The following SFI1 variants were observed in gnomAD, a reference collection of about 807,000 sequenced individuals.
The protein encoded by SFI1 is protein SFI1 homolog.
A neutral mutation model predicts 207.5 loss-of-function variants in SFI1; 195 were observed. That is an observed-to-expected ratio of 0.94 (90% CI 0.84 to 1.06). SFI1 has a LOEUF of 1.06. SFI1 is among the 50% of genes least tolerant of loss of function. The probability of loss-of-function intolerance (pLI) is 0.00; values close to 1 mark genes in which losing one functional copy is unlikely to be tolerated. For synonymous variants in SFI1, 630 were observed against 598.9 expected (o/e 1.05, Z -0.76); for missense variants, 1,634 against 1,588.0 (o/e 1.03, Z -0.49).
chr22:31,611,975 C>T, intron 24 of SFI1, 135 bp downstream of exon 24: 1 of 1,444,796 alleles, frequency 6.9e-7, no homozygotes, highest in Non-Finnish European at 9.1e-7. Context: ...GCCACCTCCT[C>T]TACCACCTTC....
chr22:31,535,262 T>C (rs2058879645), intron 4 of SFI1, among the ~76,000 whole-genome samples: 1 of 149,314 alleles, frequency 6.7e-6, no homozygotes. Flanking sequence ...CGATCTCGGC[T>C]CACTGTAACC....
chr22:31,546,418 C>T (rs998762670), intron 4 of SFI1, among the ~76,000 whole-genome samples: 2 of 152,004 alleles, frequency 1.3e-5, no homozygotes, highest in African/African-American at 4.8e-5. Context: ...GCAACCTCTG[C>T]CTCCCGGGTT....
intron 4 of SFI1, among the ~76,000 whole-genome samples, chr22:31,544,567 A>G (rs2059899675): frequency 6.6e-6 from 1 of 152,114 alleles, no homozygotes; most frequent in Non-Finnish European, 1.5e-5. Flanking sequence ...AGCTAGGGTA[A>G]CATAGTGAAA....
At chr22:31,538,915 T>C (rs1306777636) in intron 4 of SFI1, among the ~76,000 whole-genome samples, 1 of 152,142 alleles carries the variant, frequency 6.6e-6, no homozygotes, top group African/African-American at 2.4e-5. Context: ...GACCTCTGCC[T>C]TGAAACTCTG....
chr22:31,571,479 AT>A (rs976100643), intron 8 of SFI1, among the ~76,000 whole-genome samples: 618 of 142,014 alleles, frequency 4.4e-3, no homozygotes, highest in African/African-American at 4.1e-3. Context: ...TGCCTGGCTA[AT>A]TTTTTTTTTT....
chr22:31,593,126 G>A (rs1461768644), intron 15 of SFI1, among the ~76,000 whole-genome samples: 2 of 140,800 alleles, frequency 1.4e-5, no homozygotes, highest in Admixed American at 6.9e-5. Flanking sequence ...CTGGCCGGGC[G>A]GGGGGCTGAC....
intron 16 of SFI1, 101 bp from the exon 17 acceptor site, chr22:31,602,506 T>G (rs2068282195): frequency 1.4e-6 from 2 of 1,406,344 alleles, no homozygotes; most frequent in Admixed American, 3.6e-5. Flanking sequence ...CATCCATTCC[T>G]TTTGCCTTAG....
At chr22:31,582,480 G>A (rs911878289) in intron 12 of SFI1, among the ~76,000 whole-genome samples, 4 of 151,094 alleles carry the variant, frequency 2.6e-5, no homozygotes, top group Non-Finnish European at 4.4e-5. Flanking sequence ...TCAAACTCCT[G>A]ACCTTTGGTG....
rs1422494335 is a variant in SFI1, at chr22:31,618,148, G to A, written c.3546G>A (p.Arg1182=). The change falls in exon 32 of 33, where the codon AGG becomes AGA. Residue 1182 remains arginine (R), a synonymous_variant. Transcript: ENST00000400288. ...GGCGGCAAGCGAGCAGCCTGCGCAG[G>A]TGGCTGGAGCTGAACAGAGAGGAGC... ...SCRRQASSLR[R]WLELNREEPG... 4.4e-6 allele frequency: 7 copies of A among 1,587,760 alleles called. No homozygotes were observed. The highest frequency in any genetic ancestry group is 5.1e-6 in the Non-Finnish European group (6 of 1,169,316).
intron 27 of SFI1, chr22:31,614,095 T>C (rs2070905826): frequency 3.8e-6 from 2 of 530,236 alleles, no homozygotes; most frequent in Non-Finnish European, 6.6e-6. Flanking sequence ...AGGAAATAGG[T>C]GTCCCCTCCT....
At chr22:31,566,477 C>T (rs2062323166) in intron 8 of SFI1, among the ~76,000 whole-genome samples, 1 of 152,230 alleles carries the variant, frequency 6.6e-6, no homozygotes, top group African/African-American at 2.4e-5. Flanking sequence ...ATACCAATGC[C>T]ATACTGGTTT....
chr22:31,605,849 C>A (rs761747), intron 20 of SFI1: 53,875 of 154,462 alleles, frequency 0.35, 10,400 homozygotes, highest in African/African-American at 0.52. Context: ...CCCTGTCTCT[C>A]AAAAGTAAAT....
intron 8 of SFI1, among the ~76,000 whole-genome samples, chr22:31,571,603 C>G (rs1023642910): frequency 6.6e-6 from 1 of 152,026 alleles, no homozygotes; most frequent in Non-Finnish European, 1.5e-5. Flanking sequence ...GTGTGAGCCA[C>G]CCCGCCCCAC....
At chr22:31,610,105 A>G (rs1264392239) in intron 22 of SFI1, among the ~76,000 whole-genome samples, 1 of 152,192 alleles carries the variant, frequency 6.6e-6, no homozygotes, top group Non-Finnish European at 1.5e-5. Context: ...ATACCTGGGG[A>G]ACAATTGACT....
At chr22:31,582,820 T>A (rs1470556956) in intron 12 of SFI1, among the ~76,000 whole-genome samples, 1 of 152,242 alleles carries the variant, frequency 6.6e-6, no homozygotes, top group South Asian at 2.1e-4. Context: ...TTTGTCCTTT[T>A]GCAACTGGCT....
Position 31,618,423 on chromosome 22 carries a change from T to A in SFI1, c.*5T>A, listed in dbSNP as rs774777135. 2.0e-5 allele frequency: 31 copies of A among 1,562,740 alleles called. No individual in the cohort carries two copies. Among genetic ancestry groups the A allele is most frequent in the Non-Finnish European group, 2.2e-5 (25 of 1,150,170 alleles). On this transcript the variant is annotated 3_prime_UTR_variant, in exon 33 of 33. Coordinates refer to ENST00000400288, the MANE Select transcript of SFI1 (RefSeq NM_001007467.3). The stretch of plus-strand genomic sequence containing the variant: ...CTGCGGCAGGCCCTGTGCTAGCGTG[T>A]TCGCACCAGGAACGCAGGTGCTGGG...
At chr22:31,614,956 C>G (rs1036516523) in intron 28 of SFI1, 92 bp from the exon 29 acceptor site, 1 of 1,574,610 alleles carries the variant, frequency 6.4e-7, no homozygotes, top group African/African-American at 1.3e-5. Context: ...GTTTTGGCAG[C>G]CCTGGGGTGG....
chr22:31,615,059 C>G lies in SFI1; in HGVS notation c.3080C>G (p.Pro1027Arg). ...TTCCCTGTGCTCAGGCCTCAGAAGCCACAGGAACATGGCCTAGGCATGGCT... is the reference window on the plus strand; with the variant it reads ...TTCCCTGTGCTCAGGCCTCAGAAGCGACAGGAACATGGCCTAGGCATGGCT... The part of the protein sequence containing the change: ...EPAQSQRPQK[P>R]QEHGLGMAQP... Residue 1027 changes from proline to arginine, a missense_variant, in exon 29 of 33, where the codon CCA (proline) becomes CGA (arginine). Coordinates refer to ENST00000400288, the MANE Select transcript of SFI1 (RefSeq NM_001007467.3). 1 of 1,610,936 alleles carries G rather than the reference C, an allele frequency of 6.2e-7. No homozygotes were observed. The highest frequency in any genetic ancestry group is 8.5e-7 in the Non-Finnish European group (1 of 1,179,056).
chr22:31,540,568 C>T (rs2059387651), intron 4 of SFI1, among the ~76,000 whole-genome samples: 1 of 149,516 alleles, frequency 6.7e-6, no homozygotes, highest in Admixed American at 6.7e-5. Flanking sequence ...GCGTGAGCCA[C>T]CGCGCCCAGC....
Sources: allele counts gnomAD v4.1 joint callset (sites outside exome capture counted in the v4.1 genomes callset), GRCh38; gene constraint gnomAD v4.1.1; transcripts MANE v1.5; gene names NCBI Gene and HGNC (gene_info 2026-07-23, HGNC 2026-07-21).